Variants in FBXL3 observed in about 807,000 individuals in gnomAD.
The protein encoded by FBXL3 is F-box/LRR-repeat protein 3.
Under a neutral mutation model 37.9 loss-of-function variants are expected in FBXL3, and 14 were observed. That is an observed-to-expected ratio of 0.37 (90% CI 0.24 to 0.58). The LOEUF is 0.58. Ranked by LOEUF, FBXL3 falls within the 20% of genes least tolerant of loss-of-function variation. The pLI, the probability that FBXL3 is intolerant of heterozygous loss-of-function variation, is 0.74. For synonymous variants in FBXL3, 194 were observed against 180.1 expected, an observed-to-expected ratio of 1.08 and a Z score of -0.62; for missense variants, 327 against 511.1, an observed-to-expected ratio of 0.64 and a Z score of 3.47.
chr13:77,020,657 T>C lies in FBXL3; in HGVS notation c.348+856A>G, dbSNP rs138183236. The stretch of plus-strand genomic sequence containing the variant: ...TACCACAAAATCTGGTGTTTAAAGA[T>C]CCAGTAAACATGTCCATATTTCATT... On this transcript the variant is annotated intron_variant, in intron 2 of 4. Transcript: ENST00000355619. 9.1e-3 allele frequency among the ~76,000 whole-genome samples: 1,384 copies of C among 151,868 alleles called. 76 individuals are homozygous for C. Among genetic ancestry groups the C allele is most frequent in the Admixed American group, 0.077 (1,175 of 15,226 alleles).
chr13:77,013,491 T>C (rs904271770), intron 4 of FBXL3: 2 of 152,114 alleles, frequency 1.3e-5, no homozygotes, highest in Non-Finnish European at 2.9e-5. Flanking sequence ...CTTGAGATAT[T>C]TTGCAAACCC....
intron 4 of FBXL3, chr13:77,013,451 A>G (rs1248343333): frequency 2.0e-5 from 3 of 152,218 alleles, no homozygotes; most frequent in Non-Finnish European, 4.4e-5. Context: ...CCTGGCAATA[A>G]CATGATTATT....
rs771350136 is a variant in FBXL3 at position 77,007,526 on chromosome 13, G to A, written c.906C>T (p.Pro302=). ...YFFLYEEEFD[P]FFRYEIPATH... The stretch of plus-strand genomic sequence containing the variant: ...TGGCAGGTATTTCATAGCGAAAGAA[G>A]GGGTCAAATTCTTCTTCATATAAAA... Residue 302 remains proline (P), a synonymous_variant, in exon 5 of 5, where the codon CCC becomes CCT. Transcript: ENST00000355619. The A allele has an allele frequency of 2.5e-6, 4 of 1,613,992 alleles. No individual in the cohort carries two copies. The highest frequency in any genetic ancestry group is 1.7e-6 in the Non-Finnish European group (2 of 1,180,028).
chr13:77,013,103 C>T (rs2034583739), intron 4 of FBXL3: 4 of 152,154 alleles, frequency 2.6e-5, no homozygotes, highest in Admixed American at 2.6e-4. Flanking sequence ...CTCTTCCCTT[C>T]CCTTCCTGAA....
At position 77,007,528 on chromosome 13, in the gene FBXL3, G is replaced by A. The variant is rs760763712; in HGVS notation, c.904C>T (p.Pro302Ser). The A allele has an allele frequency of 6.2e-7, 1 of 1,613,950 alleles. No individual in the cohort carries two copies. The highest frequency in any genetic ancestry group is 1.7e-5 in the Admixed American group (1 of 60,004). Residue 302 changes from proline (P) to serine (S), a missense_variant, in exon 5 of 5, where the codon CCC (proline) becomes TCC (serine). Pro to Ser is a moderately conservative substitution (Grantham distance 74). Transcript: ENST00000355619. The part of the protein sequence containing the change: ...YFFLYEEEFD[P>S]FFRYEIPATH... ...GCAGGTATTTCATAGCGAAAGAAGGGGTCAAATTCTTCTTCATATAAAAAA... is the reference window on the plus strand; with the variant it reads ...GCAGGTATTTCATAGCGAAAGAAGGAGTCAAATTCTTCTTCATATAAAAAA...
Position 77,015,657 on chromosome 13 carries a change from G to C in FBXL3, c.472-77C>G, listed in dbSNP as rs1326025505. On this transcript the variant is annotated intron_variant, in intron 3 of 4. Coordinates refer to ENST00000355619, the MANE Select transcript of FBXL3 (RefSeq NM_012158.4). ...AATCAAGGGGTTTCCTAGTACTACA[G>C]TTTATCTGAACCATAATGACATATT... 3.2e-6 allele frequency: 3 copies of C among 933,450 alleles called. No individual in the cohort carries two copies. The African/African-American group carries it at 5.0e-5, about 16-fold the overall frequency. The allele number at this position is 933,450 out of a possible 1,614,324, so 57.8% of individuals were successfully genotyped here.
intron 4 of FBXL3, chr13:77,014,464 G>C (rs2034609483): frequency 6.6e-6 from 1 of 152,260 alleles, no homozygotes; most frequent in African/African-American, 2.4e-5. Context: ...TAATCTGTAA[G>C]TGGCAGAGAG....
Position 77,005,464 on chromosome 13 carries a change from A to G in FBXL3, c.*1681T>C, listed in dbSNP as rs1045377509. On this transcript the variant is annotated 3_prime_UTR_variant, in exon 5 of 5. Coordinates refer to ENST00000355619, the MANE Select transcript of FBXL3 (RefSeq NM_012158.4). The stretch of plus-strand genomic sequence containing the variant: ...ATGTACTGTCAAATCCATTTTTCCA[A>G]AGTTGTTCAAGGAAAAACAACAACT... 7 of 152,608 alleles carry G rather than the reference A, an allele frequency of 4.6e-5. No individual in the cohort carries two copies. Among genetic ancestry groups the G allele is most frequent in the African/African-American group, 1.7e-4 (7 of 41,460 alleles). The allele number at this position is 152,608 out of a possible 1,614,324, so 9.5% of individuals were successfully genotyped here. A position where few individuals can be genotyped will look rare whatever the true frequency, so the allele number is the denominator to read the frequency against.
At position 77,007,405 on chromosome 13, in the gene FBXL3, C is replaced by T. The variant is rs2154035917; in HGVS notation, c.1027G>A (p.Gly343Arg). ...AACTCTTCATCAAGTGGCCGTAATC[C>T]ATTTGCACACACTACTAGTTCAACC... ...RLVELVVCAN[G>R]LRPLDEELIR... is the part of the protein sequence containing the mutation. The change falls in exon 5 of 5, where the codon GGA becomes AGA. Residue 343 changes from glycine (G) to arginine (R), a missense_variant. Physicochemically the swap from Gly to Arg is moderately radical, Grantham distance 125. Coordinates refer to ENST00000355619, the MANE Select transcript of FBXL3 (RefSeq NM_012158.4). 1 of 1,614,172 alleles carries T rather than the reference C, an allele frequency of 6.2e-7. No homozygotes were observed. The highest frequency in any genetic ancestry group is 8.5e-7 in the Non-Finnish European group (1 of 1,180,042).
intron 4 of FBXL3, chr13:77,009,308 GT>G (rs1432523469): frequency 6.6e-6 from 1 of 151,680 alleles, no homozygotes; most frequent in Non-Finnish European, 1.5e-5. Context: ...CAAAGTTTCT[GT>G]TTTCCGCAAA....
chr13:77,018,506 C>A, intron 3 of FBXL3, 94 bp downstream of exon 3: 44 of 905,722 alleles, frequency 4.9e-5, no homozygotes, highest in East Asian at 2.6e-4. Flanking sequence ...ATATATATAA[C>A]TTTCCTTATA....
chr13:77,014,156 G>C (rs917258778), intron 4 of FBXL3: 2 of 152,230 alleles, frequency 1.3e-5, no homozygotes, highest in African/African-American at 4.8e-5. Context: ...GTTAGCAAGG[G>C]GAAGTTAAAA....
At chr13:77,022,429 C>A (rs1191483831) in intron 1 of FBXL3, among the ~76,000 whole-genome samples, 1 of 152,168 alleles carries the variant, frequency 6.6e-6, no homozygotes. Context: ...GTCAGATCAG[C>A]AGCTACATTA....
chr13:77,025,118 A>G (rs2034813096), intron 1 of FBXL3, among the ~76,000 whole-genome samples: 1 of 152,234 alleles, frequency 6.6e-6, no homozygotes, highest in Non-Finnish European at 1.5e-5. Flanking sequence ...AATGGACCCT[A>G]TAATTCCTAC....
At chr13:77,013,977 C>T (rs1334604178) in intron 4 of FBXL3, 2 of 152,120 alleles carry the variant, frequency 1.3e-5, no homozygotes, top group Admixed American at 1.3e-4. Flanking sequence ...AAATCAGAGA[C>T]ATAAAGACTC....
intron 3 of FBXL3, chr13:77,016,520 G>C (rs2034645099): frequency 6.6e-6 from 1 of 151,766 alleles, no homozygotes; most frequent in African/African-American, 2.4e-5. Context: ...TAAGAGCCAA[G>C]AAAGTATAAT....
At chr13:77,012,724 AT>A (rs1258199371) in intron 4 of FBXL3, 5 of 152,222 alleles carry the variant, frequency 3.3e-5, no homozygotes, top group Admixed American at 1.3e-4. Context: ...AAAATATGAA[AT>A]TTCAACTGAA....
In FBXL3 at chr13:77,005,322, A is replaced by G. The variant is rs1458871489; in HGVS notation, c.*1823T>C. Reference sequence around the variant, plus strand: ...ATTTAACATATACTTTACAGTATAAACAAATTAAGTACTATGCATTTTGCT... The same window carrying G: ...ATTTAACATATACTTTACAGTATAAGCAAATTAAGTACTATGCATTTTGCT... On this transcript the variant is annotated 3_prime_UTR_variant, in exon 5 of 5. Transcript: ENST00000355619. 1 of 152,636 alleles carries G rather than the reference A, an allele frequency of 6.6e-6. No individual in the cohort carries two copies. 9.5% of individuals were successfully genotyped at this position (152,636 alleles called of 1,614,324 possible).
At position 77,025,358 on chromosome 13, in the gene FBXL3, T is replaced by C. The variant is rs778246949; in HGVS notation, c.-2+1469A>G. On this transcript the variant is annotated intron_variant, in intron 1 of 4. Transcript: ENST00000355619. ...ACTGATATGACTACAAACTGCTAAA[T>C]AGCAAACTACTGAGGAAAGACCACA... Among the ~76,000 whole-genome samples, 7 of 152,090 alleles carry C rather than the reference T, an allele frequency of 4.6e-5. No individual in the cohort carries two copies. In the South Asian group the frequency reaches 8.3e-4, roughly 18 times the overall value.
Sources: allele counts gnomAD v4.1 joint callset (sites outside exome capture counted in the v4.1 genomes callset), GRCh38; gene constraint gnomAD v4.1.1; transcripts MANE v1.5; gene names NCBI Gene and HGNC (gene_info 2026-07-23, HGNC 2026-07-21).